Variants in KIF16B observed in about 807,000 individuals in gnomAD.
KIF16B encodes kinesin family member 16B.
A neutral mutation model predicts 156.3 loss-of-function variants in KIF16B; 98 were observed. The observed-to-expected ratio is 0.63, with a 90% CI of 0.53 to 0.74. The LOEUF is 0.74. KIF16B is among the 30% of genes least tolerant of loss of function. The pLI, the probability that KIF16B is intolerant of heterozygous loss-of-function variation, is 0.00. For missense variants in KIF16B, 1,421 were observed against 1,606.5 expected (o/e 0.88, Z 1.97); for synonymous variants, 564 against 583.7 (o/e 0.97, Z 0.49).
intron 25 of KIF16B, among the ~76,000 whole-genome samples, chr20:16,277,120 G>C (rs1028929941): frequency 6.6e-6 from 1 of 152,194 alleles, no homozygotes; most frequent in Non-Finnish European, 1.5e-5. Context: ...AATCATTTGG[G>C]ATATACTCTT....
intron 1 of KIF16B, among the ~76,000 whole-genome samples, chr20:16,548,426 T>C (rs1191633643): frequency 2.0e-5 from 3 of 152,166 alleles, no homozygotes. Context: ...TACTGGTCTA[T>C]GGGCAGTAAG....
intron 22 of KIF16B, among the ~76,000 whole-genome samples, chr20:16,364,935 G>A (rs1465616957): frequency 2.0e-5 from 3 of 152,192 alleles, no homozygotes; most frequent in Admixed American, 1.3e-4. Context: ...ACAACATGGT[G>A]GAATTATGCT....
rs1378042753 is a variant in KIF16B at position 16,370,509 on chromosome 20, A to T, written c.3498+77T>A. On this transcript the variant is annotated intron_variant, in intron 22 of 25. Transcript: ENST00000354981. ...ACCTCAAAATTCTAATTATGCAACTAGACATTAAGAAAATGTAATCACATG... is the reference window on the plus strand; with the variant it reads ...ACCTCAAAATTCTAATTATGCAACTTGACATTAAGAAAATGTAATCACATG... The T allele has an allele frequency of 8.4e-6, 10 of 1,194,826 alleles. No individual in the cohort carries two copies. In the East Asian group the frequency reaches 2.4e-4, roughly 29 times the overall value. The allele number at this position is 1,194,826 out of a possible 1,614,324, so 74.0% of individuals were successfully genotyped here. A position where few individuals can be genotyped will look rare whatever the true frequency, so the allele number is the denominator to read the frequency against.
At chr20:16,437,976 TAAA>T (rs1175714230) in intron 12 of KIF16B, among the ~76,000 whole-genome samples, 83 of 107,812 alleles carry the variant, frequency 7.7e-4, no homozygotes, top group Non-Finnish European at 5.2e-4. Context: ...CTACTAAAAA[TAAA>T]AAAAAATAAT....
intron 19 of KIF16B, among the ~76,000 whole-genome samples, chr20:16,377,468 C>T (rs2064982233): frequency 6.6e-6 from 1 of 151,456 alleles, no homozygotes; most frequent in South Asian, 2.1e-4. Context: ...CCTGGGGTCC[C>T]AGCCACTTGG....
At chr20:16,481,079 G>A (rs910725338) in intron 12 of KIF16B, among the ~76,000 whole-genome samples, 3 of 151,800 alleles carry the variant, frequency 2.0e-5, no homozygotes, top group Non-Finnish European at 4.4e-5. Context: ...GGACACTTTC[G>A]TCAAAAATAG....
At chr20:16,402,526 G>A (rs558859475) in intron 17 of KIF16B, among the ~76,000 whole-genome samples, 1 of 152,284 alleles carries the variant, frequency 6.6e-6, no homozygotes, top group South Asian at 2.1e-4. Flanking sequence ...ATTGATTTTT[G>A]GTTGTGGGGA....
chr20:16,422,871 A>G (rs2066260020), intron 15 of KIF16B, among the ~76,000 whole-genome samples: 1 of 152,170 alleles, frequency 6.6e-6, no homozygotes, highest in African/African-American at 2.4e-5. Flanking sequence ...ATTTTAGCAC[A>G]ACAAAACTAT....
chr20:16,394,004 C>G (rs2065433286), intron 17 of KIF16B, among the ~76,000 whole-genome samples: 1 of 152,156 alleles, frequency 6.6e-6, no homozygotes, highest in Non-Finnish European at 1.5e-5. Flanking sequence ...AATTACAGAG[C>G]CGGTGACACG....
intron 12 of KIF16B, among the ~76,000 whole-genome samples, chr20:16,436,760 A>G (rs972583883): frequency 6.6e-6 from 1 of 152,018 alleles, no homozygotes; most frequent in South Asian, 2.1e-4. Flanking sequence ...TTATTTCTTC[A>G]TTTATTTGAA....
chr20:16,542,109 GC>G (rs2070227434), intron 1 of KIF16B, among the ~76,000 whole-genome samples: 2 of 152,152 alleles, frequency 1.3e-5, no homozygotes, highest in East Asian at 3.9e-4. Context: ...AGGCAGAGAG[GC>G]CTGAGCTGGG....
intron 17 of KIF16B, among the ~76,000 whole-genome samples, chr20:16,391,591 A>G (rs760841750): frequency 3.3e-5 from 5 of 152,204 alleles, no homozygotes; most frequent in Non-Finnish European, 7.3e-5. Flanking sequence ...GAAGGAAGGG[A>G]GTGGCCATGA....
At chr20:16,563,429 A>G (rs2071141233) in intron 1 of KIF16B, among the ~76,000 whole-genome samples, 1 of 152,226 alleles carries the variant, frequency 6.6e-6, no homozygotes, top group African/African-American at 2.4e-5. Flanking sequence ...CCCAGGCTAC[A>G]GGTCTAAGTA....
chr20:16,403,389 C>T (rs2065704598), intron 17 of KIF16B, among the ~76,000 whole-genome samples: 2 of 152,202 alleles, frequency 1.3e-5, no homozygotes, highest in Admixed American at 1.3e-4. Context: ...ACAAAACGTG[C>T]CTCTGAAGTA....
intron 25 of KIF16B, among the ~76,000 whole-genome samples, chr20:16,306,035 T>A (rs549622580): frequency 1.5e-4 from 23 of 152,320 alleles, no homozygotes; most frequent in Middle Eastern, 6.8e-3. Context: ...GCCCCCAGCA[T>A]CCAATCCAGA....
chr20:16,356,575 G>T, intron 22 of KIF16B, 123 bp from the exon 23 acceptor site: 1 of 1,033,470 alleles, frequency 9.7e-7, no homozygotes, highest in Non-Finnish European at 1.4e-6. Flanking sequence ...CAAACCAGTA[G>T]GGTTTATTTA....
intron 12 of KIF16B, among the ~76,000 whole-genome samples, chr20:16,489,322 C>G (rs942206056): frequency 1.3e-5 from 2 of 152,084 alleles, no homozygotes; most frequent in African/African-American, 4.8e-5. Flanking sequence ...CAGAAAAGGG[C>G]GGCCCACAGG....
At chr20:16,274,861 C>T (rs1246922110) in intron 25 of KIF16B, among the ~76,000 whole-genome samples, 4 of 152,128 alleles carry the variant, frequency 2.6e-5, no homozygotes, top group African/African-American at 7.2e-5. Context: ...ATTTAGCTAC[C>T]TCTATGAATT....
intron 12 of KIF16B, among the ~76,000 whole-genome samples, chr20:16,464,553 C>G (rs1205720398): frequency 6.6e-6 from 1 of 152,086 alleles, no homozygotes; most frequent in Non-Finnish European, 1.5e-5. Context: ...TGAAAACAAA[C>G]ATCAAACTTG....
Sources: gnomAD v4.1 joint callset for allele counts (sites outside exome capture counted in the v4.1 genomes callset) on GRCh38, gnomAD v4.1.1 for gene constraint, MANE v1.5 for transcripts, NCBI Gene and HGNC (gene_info 2026-07-23, HGNC 2026-07-21) for gene names.